The following NXF2 variants were observed in gnomAD, a reference collection of about 807,000 sequenced individuals.
NXF2 encodes the protein nuclear RNA export factor 2.
At chrX:102,282,110 G>A (rs1175924553) in intron 2 of NXF2, among the ~76,000 whole-genome samples, 6 of 84,161 alleles carry the variant, frequency 7.1e-5, no homozygotes, top group South Asian at 7.8e-4. Context: ...GAGCCACCAC[G>A]CCCGGCCAGA....
At chrX:102,298,967 G>A (rs1480170646) in intron 2 of NXF2, among the ~76,000 whole-genome samples, 2 of 77,754 alleles carry the variant, frequency 2.6e-5, no homozygotes, top group African/African-American at 9.8e-5. Context: ...TATTTACGGG[G>A]TACAATGTGG....
intron 2 of NXF2, among the ~76,000 whole-genome samples, chrX:102,294,180 T>A (rs1933988754): frequency 9.6e-6 from 1 of 104,522 alleles, no homozygotes; most frequent in Non-Finnish European, 1.9e-5. Flanking sequence ...CCCTAAAACT[T>A]AAAGGATTAA....
intron 2 of NXF2, among the ~76,000 whole-genome samples, chrX:102,285,958 TGGAC>T (rs1933936413): frequency 2.0e-5 from 1 of 49,567 alleles, no homozygotes; most frequent in Non-Finnish European, 3.7e-5. Flanking sequence ...TTTTTTTTTC[TGGAC>T]TCTGAAGGTT....
chrX:102,294,369 T>C (rs1556385183), intron 2 of NXF2, among the ~76,000 whole-genome samples: 2 of 92,919 alleles, frequency 2.2e-5, no homozygotes, highest in African/African-American at 3.7e-5. Context: ...CTTGATGTGC[T>C]GATCAGGGTG....
rs61468793 is a variant in NXF2, at chrX:102,281,728, AC to A, written c.-53-25289del. ...AGCTGGTATCTCAGTATGTCGTGTG[AC>A]CCCCCCCCTCCCCCGACCCCTGGTC... On this transcript the variant is annotated intron_variant, in intron 2 of 22. Coordinates refer to ENST00000625106, the MANE Select transcript of NXF2 (RefSeq NM_022053.4). Among the ~76,000 whole-genome samples, 935 of 55,024 alleles carry A rather than the reference AC, an allele frequency of 0.017. 47 individuals carry two copies. In the East Asian group the frequency reaches 0.28, roughly 17 times the overall value. 47.8% of individuals were successfully genotyped at this position (55,024 alleles called of 115,157 possible). A position where few individuals can be genotyped will look rare whatever the true frequency, so the allele number is the denominator to read the frequency against.
Position 102,298,818 on chromosome X carries a change from G to A in NXF2, c.-53-8208G>A, listed in dbSNP as rs781869840. Among the ~76,000 whole-genome samples, 159 of 113,802 alleles carry A rather than the reference G, an allele frequency of 1.4e-3. 1 individual carries two copies. Among genetic ancestry groups the A allele is most frequent in the African/African-American group, 5.0e-3 (157 of 31,316 alleles). On this transcript the variant is annotated intron_variant, in intron 2 of 22. Coordinates refer to ENST00000625106, the MANE Select transcript of NXF2 (RefSeq NM_022053.4). ...AATTTTGTCTATAGCTAAATAGAAAGCTGAAACTAAGAAAGGTCAAGTATC... is the reference window on the plus strand; with the variant it reads ...AATTTTGTCTATAGCTAAATAGAAAACTGAAACTAAGAAAGGTCAAGTATC...
At chrX:102,282,445 A>G (rs1293027167) in intron 2 of NXF2, among the ~76,000 whole-genome samples, 6 of 112,406 alleles carry the variant, frequency 5.3e-5, no homozygotes, top group African/African-American at 1.6e-4. Flanking sequence ...GTAATTCAGG[A>G]CTATGTTTTG....
At chrX:102,294,272 A>G (rs1933991157) in intron 2 of NXF2, among the ~76,000 whole-genome samples, 1 of 103,052 alleles carries the variant, frequency 9.7e-6, no homozygotes, top group Non-Finnish European at 1.9e-5. Context: ...TCTGAGTAGG[A>G]TGTGAGAAAA....
intron 2 of NXF2, among the ~76,000 whole-genome samples, chrX:102,282,434 G>A (rs1249698068): frequency 2.6e-5 from 3 of 113,588 alleles, no homozygotes; most frequent in African/African-American, 9.6e-5. Flanking sequence ...GGGTGGCGTC[G>A]GTAATTCAGG....
chrX:102,281,832 G>A (rs1556383976), intron 2 of NXF2, among the ~76,000 whole-genome samples: 3 of 77,801 alleles, frequency 3.9e-5, no homozygotes, highest in African/African-American at 4.9e-5. Context: ...TTTTTGAGAT[G>A]GAGTCTCGCT....
At chrX:102,298,486 A>G (rs1934004436) in intron 2 of NXF2, among the ~76,000 whole-genome samples, 1 of 78,279 alleles carries the variant, frequency 1.3e-5, no homozygotes, top group Non-Finnish European at 2.4e-5. Flanking sequence ...AAAAAAAAAA[A>G]GGAAGGACCC....
intron 2 of NXF2, among the ~76,000 whole-genome samples, chrX:102,254,312 A>G (rs1489973577): frequency 1.4e-5 from 1 of 69,176 alleles, no homozygotes; most frequent in Non-Finnish European, 2.6e-5. Context: ...TTAAGTAGAT[A>G]CCCAGAAAAG....
chrX:102,282,039 C>T (rs1333777559), intron 2 of NXF2, among the ~76,000 whole-genome samples: 1 of 54,672 alleles, frequency 1.8e-5, no homozygotes, highest in Non-Finnish European at 3.6e-5. Context: ...AGGATGGTCT[C>T]GATCTCCTGA....
intron 2 of NXF2, among the ~76,000 whole-genome samples, chrX:102,254,500 A>G (rs1454191311): frequency 1.2e-5 from 1 of 82,115 alleles, no homozygotes; most frequent in Non-Finnish European, 2.3e-5. Flanking sequence ...AACAGTGTAC[A>G]AGGGTTCCCT....
intron 2 of NXF2, 62 bp downstream of exon 2, chrX:102,248,620 G>A (rs1445887477): frequency 2.3e-5 from 2 of 86,972 alleles, no homozygotes; most frequent in African/African-American, 8.7e-5. Flanking sequence ...TTAGATTGAA[G>A]TTGTGCATTT....
intron 2 of NXF2, among the ~76,000 whole-genome samples, chrX:102,248,917 G>A (rs868921428): frequency 1.9e-3 from 18 of 9,491 alleles, no homozygotes; most frequent in Middle Eastern, 0.033. Context: ...AGGGTAGGAC[G>A]ATTGGCTTGT....
At chrX:102,293,867 C>T (rs1298950766) in intron 2 of NXF2, among the ~76,000 whole-genome samples, 2 of 22,360 alleles carry the variant, frequency 8.9e-5, no homozygotes, top group South Asian at 1.7e-3. Flanking sequence ...TTACCATGCC[C>T]GGCCTCTATT....
intron 2 of NXF2, among the ~76,000 whole-genome samples, chrX:102,254,618 A>G (rs1933838190): frequency 1.9e-5 from 1 of 53,583 alleles, no homozygotes; most frequent in Non-Finnish European, 3.3e-5. Flanking sequence ...CATTTTCCTG[A>G]TGATTAATGA....
intron 2 of NXF2, among the ~76,000 whole-genome samples, chrX:102,282,057 A>T (rs1933923176): frequency 1.6e-5 from 1 of 63,875 alleles, no homozygotes. Flanking sequence ...TGACCTCGTG[A>T]TCCTCCCGCC....
Sources: gnomAD v4.1 joint callset for allele counts (sites outside exome capture counted in the v4.1 genomes callset) on GRCh38, gnomAD v4.1.1 for gene constraint, MANE v1.5 for transcripts, NCBI Gene and HGNC (gene_info 2026-07-23, HGNC 2026-07-21) for gene names.